Variants in THSD4 observed in about 807,000 individuals in gnomAD.
THSD4 encodes thrombospondin type-1 domain-containing protein 4.
THSD4 carries 69 observed loss-of-function variants against 119.0 expected under a neutral mutation model. The ratio of observed to expected loss-of-function variants is 0.58; its 90% CI spans 0.48 to 0.71. The LOEUF (loss-of-function observed/expected upper bound fraction) is 0.71. Ranked by LOEUF, THSD4 falls within the 30% of genes least tolerant of loss-of-function variation. THSD4 has a pLI of 0.00. For synonymous variants in THSD4, 524 were observed against 540.4 expected (o/e 0.97, Z 0.42); for missense variants, 1,393 against 1,391.1 (o/e 1.00, Z -0.02).
intron 3 of THSD4, among the ~76,000 whole-genome samples, chr15:71,194,977 C>T (rs1006140255): frequency 2.0e-4 from 31 of 152,066 alleles, no homozygotes; most frequent in African/African-American, 7.0e-4. Flanking sequence ...AAGCCCAGCA[C>T]GGGGCTGGGA....
intron 7 of THSD4, among the ~76,000 whole-genome samples, chr15:71,481,828 T>C (rs758390348): frequency 6.6e-6 from 1 of 152,216 alleles, no homozygotes; most frequent in Non-Finnish European, 1.5e-5. Flanking sequence ...AACACCATGG[T>C]TTCTGATAAA....
At chr15:71,517,990 C>A (rs2048384480) in intron 7 of THSD4, among the ~76,000 whole-genome samples, 1 of 152,194 alleles carries the variant, frequency 6.6e-6, no homozygotes, top group Non-Finnish European at 1.5e-5. Context: ...CCATGAATGT[C>A]AAGGAGGAGA....
intron 6 of THSD4, among the ~76,000 whole-genome samples, chr15:71,373,056 A>G (rs1242625211): frequency 1.3e-5 from 2 of 152,250 alleles, no homozygotes; most frequent in East Asian, 1.9e-4. Context: ...CAGAGAGAAG[A>G]AAATCGAGAG....
intron 6 of THSD4, among the ~76,000 whole-genome samples, chr15:71,359,815 G>A (rs1438348328): frequency 6.6e-6 from 1 of 151,868 alleles, no homozygotes; most frequent in Admixed American, 6.6e-5. Context: ...AAGCCTGGGT[G>A]ACAGAGCAAG....
intron 3 of THSD4, among the ~76,000 whole-genome samples, chr15:71,189,868 T>A (rs1363634756): frequency 6.6e-6 from 1 of 152,172 alleles, no homozygotes; most frequent in Admixed American, 6.5e-5. Flanking sequence ...AGGCCTCTGG[T>A]GGGCCTAAGC....
chr15:71,283,262 C>T (rs1489260697), intron 6 of THSD4, among the ~76,000 whole-genome samples: 1 of 152,176 alleles, frequency 6.6e-6, no homozygotes, highest in African/African-American at 2.4e-5. Context: ...AGCCATCGCG[C>T]CCGGCCAGGT....
In THSD4 at chr15:71,243,006, T is replaced by G; in HGVS notation, c.822T>G (p.His274Gln). 6.2e-7 allele frequency: 1 copy of G among 1,614,210 alleles called. No individual in the cohort carries two copies. The highest frequency in any genetic ancestry group is 2.2e-5 in the East Asian group (1 of 44,882). Reference sequence around the variant, plus strand: ...GCAACAACCACGGTGTGGGGACCCATGGGGCAACTCAGAGCTTCTCTCAGC... The same window carrying G: ...GCAACAACCACGGTGTGGGGACCCAGGGGGCAACTCAGAGCTTCTCTCAGC... ...ETSNNHGVGT[H>Q]GATQSFSQPA... Residue 274 changes from histidine to glutamine, a missense_variant, in exon 5 of 18, where the codon CAT becomes CAG. Physicochemically the swap from His to Gln is conservative, Grantham distance 24 (BLOSUM62 0). Transcript: ENST00000261862.
intron 6 of THSD4, among the ~76,000 whole-genome samples, chr15:71,333,185 G>A (rs1401954826): frequency 1.3e-5 from 2 of 152,050 alleles, no homozygotes; most frequent in Non-Finnish European, 1.5e-5. Context: ...AAAAGCAGGT[G>A]CATTGCAGGC....
At chr15:71,162,387 T>C (rs1291083190) in intron 3 of THSD4, among the ~76,000 whole-genome samples, 1 of 152,050 alleles carries the variant, frequency 6.6e-6, no homozygotes, top group Non-Finnish European at 1.5e-5. Context: ...AAAAACAGCT[T>C]TGCTGGAAAT....
At chr15:71,616,420 A>G (rs1041560103) in intron 7 of THSD4, among the ~76,000 whole-genome samples, 2 of 152,224 alleles carry the variant, frequency 1.3e-5, no homozygotes, top group African/African-American at 2.4e-5. Flanking sequence ...ATAAACTAGA[A>G]CATACCCAAG....
intron 1 of THSD4, among the ~76,000 whole-genome samples, chr15:71,132,740 CTGTGTTTAT>C (rs2040514919): frequency 6.6e-6 from 1 of 152,200 alleles, no homozygotes; most frequent in African/African-American, 2.4e-5. Flanking sequence ...GTGGTGTTTA[CTGTGTTTAT>C]TCTTTTAGTG....
rs147035070 is a variant in THSD4, at chr15:71,768,479, G to T, written c.2770-2585G>T. Among the ~76,000 whole-genome samples, 173 of 151,946 alleles carry T rather than the reference G, an allele frequency of 1.1e-3. 1 individual carries two copies. Among genetic ancestry groups the T allele is most frequent in the Middle Eastern group, 3.4e-3 (1 of 292 alleles). On this transcript the variant is annotated intron_variant, in intron 16 of 17. Coordinates refer to ENST00000261862, the MANE Select transcript of THSD4 (RefSeq NM_024817.3). ...TTTAAGTGCAAGAATGAAAAAGACAGTGGAAGGGAAACCTATGGATTGAAA... is the reference window on the plus strand; with the variant it reads ...TTTAAGTGCAAGAATGAAAAAGACATTGGAAGGGAAACCTATGGATTGAAA...
intron 7 of THSD4, among the ~76,000 whole-genome samples, chr15:71,576,547 T>G (rs1347534149): frequency 6.6e-6 from 1 of 152,220 alleles, no homozygotes; most frequent in African/African-American, 2.4e-5. Context: ...ATTAAAAATC[T>G]ACTTCTGCCT....
chr15:71,327,310 C>T lies in THSD4; in HGVS notation c.1015+70595C>T, dbSNP rs187673498. ...GGAGGGGCTCACACTGTCCTGCCAC[C>T]GGCCTACAGTTTCAAACAGCTCCTG... On this transcript the variant is annotated intron_variant, in intron 6 of 17. Coordinates refer to ENST00000261862, the MANE Select transcript of THSD4 (RefSeq NM_024817.3). 1.6e-3 allele frequency among the ~76,000 whole-genome samples: 249 copies of T among 152,200 alleles called. 1 individual carries two copies. The highest frequency in any genetic ancestry group is 5.1e-3 in the African/African-American group (212 of 41,528).
intron 7 of THSD4, among the ~76,000 whole-genome samples, chr15:71,587,763 T>A (rs2049702685): frequency 1.7e-5 from 1 of 60,438 alleles, no homozygotes; most frequent in Non-Finnish European, 3.7e-5. Flanking sequence ...CCCTAAAACT[T>A]AGAGTATAAT....
intron 7 of THSD4, among the ~76,000 whole-genome samples, chr15:71,530,289 G>A (rs2048588659): frequency 6.6e-6 from 1 of 152,130 alleles, no homozygotes; most frequent in African/African-American, 2.4e-5. Context: ...GCTGGTTCCA[G>A]CAAGTTGAGG....
At chr15:71,481,662 G>A (rs1023084654) in intron 7 of THSD4, among the ~76,000 whole-genome samples, 5 of 137,048 alleles carry the variant, frequency 3.6e-5, no homozygotes, top group Non-Finnish European at 6.2e-5. Flanking sequence ...TGTTCATTAA[G>A]CCTGTAATTA....
At chr15:71,407,493 A>C (rs1467077580) in intron 6 of THSD4, among the ~76,000 whole-genome samples, 1 of 152,188 alleles carries the variant, frequency 6.6e-6, no homozygotes, top group Non-Finnish European at 1.5e-5. Context: ...AAGGAAACAA[A>C]ATTCAAGAGT....
intron 6 of THSD4, among the ~76,000 whole-genome samples, chr15:71,319,665 T>A (rs1159231913): frequency 6.6e-6 from 1 of 152,118 alleles, no homozygotes; most frequent in Non-Finnish European, 1.5e-5. Context: ...ACATTTGGGT[T>A]AGTTCCAAGT....
Sources: gnomAD v4.1 joint callset for allele counts (sites outside exome capture counted in the v4.1 genomes callset) on GRCh38, gnomAD v4.1.1 for gene constraint, MANE v1.5 for transcripts, NCBI Gene and HGNC (gene_info 2026-07-23, HGNC 2026-07-21) for gene names.